The following CLASP2 variants were observed in gnomAD, a reference collection of about 807,000 sequenced individuals.
CLASP2 encodes CLIP-associating protein 2.
Under a neutral mutation model 194.4 loss-of-function variants are expected in CLASP2, and 47 were observed. The ratio of observed to expected loss-of-function variants is 0.24; its 90% CI spans 0.19 to 0.31. The LOEUF (loss-of-function observed/expected upper bound fraction) is 0.31. Ranked by LOEUF, CLASP2 falls within the 10% of genes least tolerant of loss-of-function variation. CLASP2 has a pLI of 1.00. For missense variants in CLASP2, 1,445 were observed against 1,823.6 expected, an observed-to-expected ratio of 0.79 and a Z score of 3.78; for synonymous variants, 619 against 633.5, an observed-to-expected ratio of 0.98 and a Z score of 0.34.
At chr3:33,700,065 A>G (rs886674584) in intron 1 of CLASP2, among the ~76,000 whole-genome samples, 5 of 106,018 alleles carry the variant, frequency 4.7e-5, no homozygotes, top group Non-Finnish European at 1.0e-4. Context: ...AAAAAAATAC[A>G]TGACAGCAGA....
Position 33,564,097 on chromosome 3 carries a change from A to G in CLASP2, c.2766+2635T>C, listed in dbSNP as rs9853143. 2.5e-3 allele frequency: 891 copies of G among 359,062 alleles called. 10 individuals are homozygous for G. The highest frequency in any genetic ancestry group is 0.018 in the African/African-American group (849 of 46,106). The allele number at this position is 359,062 out of a possible 1,614,324, so 22.2% of individuals were successfully genotyped here. A position where few individuals can be genotyped will look rare whatever the true frequency, so the allele number is the denominator to read the frequency against. On this transcript the variant is annotated intron_variant, in intron 27 of 38. Transcript: ENST00000682230. ...GTGCTATTTAGCTTTTTCTGTATTTATGTTATTTTCCCATCTCTAACACAT... is the reference window on the plus strand; with the variant it reads ...GTGCTATTTAGCTTTTTCTGTATTTGTGTTATTTTCCCATCTCTAACACAT...
intron 36 of CLASP2, among the ~76,000 whole-genome samples, chr3:33,514,199 G>C (rs2050658896): frequency 2.0e-5 from 3 of 152,084 alleles, no homozygotes; most frequent in South Asian, 4.1e-4. Context: ...TGTTGGTCAG[G>C]CTGGTCTCGA....
At chr3:33,692,191 T>A (rs951066851) in intron 2 of CLASP2, among the ~76,000 whole-genome samples, 1 of 151,882 alleles carries the variant, frequency 6.6e-6, no homozygotes, top group African/African-American at 2.4e-5. Context: ...AATAAATAAA[T>A]AAATATCTAT....
intron 6 of CLASP2, among the ~76,000 whole-genome samples, chr3:33,674,731 C>G (rs556327221): frequency 2.6e-5 from 4 of 151,384 alleles, no homozygotes; most frequent in Admixed American, 2.6e-4. Flanking sequence ...TCAAATAGAC[C>G]CAATAAAAAA....
chr3:33,528,719 G>A (rs58037723), intron 34 of CLASP2, among the ~76,000 whole-genome samples: 13,640 of 151,792 alleles, frequency 0.09, 625 homozygotes, highest in Admixed American at 0.11. Context: ...CCAAGATTGC[G>A]CCACAGCACT....
intron 18 of CLASP2, among the ~76,000 whole-genome samples, chr3:33,600,123 C>T (rs1431744260): frequency 6.6e-6 from 1 of 151,868 alleles, no homozygotes; most frequent in Non-Finnish European, 1.5e-5. Context: ...TTAGGATTTT[C>T]TAAACACAAG....
intron 29 of CLASP2, 130 bp from the exon 30 acceptor site, chr3:33,551,525 G>C: frequency 1.1e-6 from 1 of 903,794 alleles, no homozygotes; most frequent in African/African-American, 1.7e-5. Flanking sequence ...TACTATGTTG[G>C]CAAGGTTGGT....
chr3:33,625,237 T>C (rs1045987462), intron 10 of CLASP2, among the ~76,000 whole-genome samples: 2 of 151,694 alleles, frequency 1.3e-5, no homozygotes, highest in African/African-American at 4.8e-5. Context: ...ATATAACTAA[T>C]GTAAATGACA....
intron 22 of CLASP2, among the ~76,000 whole-genome samples, chr3:33,582,874 G>T (rs2066463549): frequency 6.6e-6 from 1 of 152,136 alleles, no homozygotes; most frequent in African/African-American, 2.4e-5. Flanking sequence ...AGGCTCATGG[G>T]CCAAATACCA....
At chr3:33,686,195 C>T (rs1192747085) in intron 5 of CLASP2, among the ~76,000 whole-genome samples, 2 of 152,080 alleles carry the variant, frequency 1.3e-5, no homozygotes, top group African/African-American at 4.8e-5. Context: ...CACTCCAAAT[C>T]GCCAAGCTGA....
chr3:33,526,642 T>A (rs1017394741), intron 34 of CLASP2, among the ~76,000 whole-genome samples: 1 of 152,182 alleles, frequency 6.6e-6, no homozygotes. Context: ...GACAGACCTT[T>A]ATAGAACTCT....
Position 33,684,362 on chromosome 3 carries a change from G to C in CLASP2, c.641C>G (p.Ala214Gly), listed in dbSNP as rs762207946. ...AACCAAATTTAGCAAGACTTACCTA[G>C]CAGGGGGAATTCCTCTCTTATAAAG... The part of the protein sequence containing the change: ...MDLYKRGIPP[A>G]RLEMIFAKFD... The change falls in exon 6 of 39, where the codon GCT becomes GGT. Residue 214 changes from alanine to glycine, a missense_variant. This residue lies in a region of CLASP2 where 332 missense variants were observed against 325.3 expected (regional missense o/e 1.02). Coordinates refer to ENST00000682230, the MANE Select transcript of CLASP2 (RefSeq NM_001365631.1). The C allele has an allele frequency of 2.9e-5, 45 of 1,564,994 alleles. No individual in the cohort carries two copies. The highest frequency in any genetic ancestry group is 3.9e-5 in the Non-Finnish European group (45 of 1,156,236).
intron 6 of CLASP2, among the ~76,000 whole-genome samples, chr3:33,669,904 A>G (rs2086842960): frequency 6.6e-6 from 1 of 152,216 alleles, no homozygotes; most frequent in Non-Finnish European, 1.5e-5. Context: ...TGTATACCAC[A>G]AAGCATATAC....
intron 3 of CLASP2, among the ~76,000 whole-genome samples, chr3:33,689,353 G>A (rs776718202): frequency 2.0e-5 from 3 of 151,056 alleles, no homozygotes; most frequent in Non-Finnish European, 4.4e-5. Context: ...ATGAATAAAC[G>A]AGAGTGGAAG....
intron 1 of CLASP2, among the ~76,000 whole-genome samples, chr3:33,710,417 A>C (rs1001572897): frequency 6.6e-6 from 1 of 152,184 alleles, no homozygotes; most frequent in African/African-American, 2.4e-5. Context: ...ATGCCAAAAA[A>C]CATAATTTTT....
chr3:33,640,487 C>T (rs1053175052), intron 8 of CLASP2, among the ~76,000 whole-genome samples: 4 of 152,120 alleles, frequency 2.6e-5, no homozygotes, highest in African/African-American at 9.7e-5. Context: ...TAGTCTTTGA[C>T]ATTAGATAGA....
At chr3:33,607,576 AAATT>A (rs57952874) in intron 14 of CLASP2, 115 bp from the exon 15 acceptor site, 12,299 of 587,744 alleles carry the variant, frequency 0.021, 1,061 homozygotes, top group African/African-American at 0.2. Context: ...AGGAAAATAA[AAATT>A]AATTAGTGTA....
intron 6 of CLASP2, among the ~76,000 whole-genome samples, chr3:33,672,224 C>T (rs1317843900): frequency 2.0e-5 from 3 of 152,196 alleles, no homozygotes; most frequent in Non-Finnish European, 4.4e-5. Flanking sequence ...CCTCACATGG[C>T]CGGGGACTCC....
chr3:33,701,427 C>T (rs2092365971), intron 1 of CLASP2, among the ~76,000 whole-genome samples: 2 of 152,184 alleles, frequency 1.3e-5, no homozygotes, highest in African/African-American at 4.8e-5. Context: ...GAGAACCTGT[C>T]TCTACAAAAA....
Sources: gnomAD v4.1 joint callset for allele counts (sites outside exome capture counted in the v4.1 genomes callset) on GRCh38, gnomAD v4.1.1 for gene constraint, gnomAD v4.1.1 regional missense constraint, MANE v1.5 for transcripts, NCBI Gene and HGNC (gene_info 2026-07-23, HGNC 2026-07-21) for gene names.